KIF26B: variants seen among roughly 807,000 people sequenced by gnomAD.
KIF26B encodes kinesin family member 26B.
KIF26B carries 63 observed loss-of-function variants against 151.2 expected under a neutral mutation model. The observed-to-expected ratio is 0.42, with a 90% CI of 0.34 to 0.51. The LOEUF (loss-of-function observed/expected upper bound fraction) is 0.51, where lower values mean the gene tolerates loss of function less well. Ranked by LOEUF, KIF26B falls within the 20% of genes least tolerant of loss-of-function variation. The pLI is 0.07. For synonymous variants in KIF26B, 1,357 were observed against 1,262.1 expected (o/e 1.08, Z -1.59); for missense variants, 2,813 against 2,913.6 (o/e 0.97, Z 0.79).
chr1:245,283,347 C>T (rs948234979), intron 2 of KIF26B, among the ~76,000 whole-genome samples: 4 of 152,172 alleles, frequency 2.6e-5, no homozygotes, highest in African/African-American at 9.7e-5. Context: ...AGCCCCGACT[C>T]ATCAGTTCTT....
intron 2 of KIF26B, among the ~76,000 whole-genome samples, chr1:245,335,913 C>T (rs948087601): frequency 3.7e-5 from 5 of 135,674 alleles, no homozygotes; most frequent in African/African-American, 1.2e-4. Flanking sequence ...AAGAGTCCCA[C>T]GCGGGGAGAG....
rs2042932551 is a variant in KIF26B, at chr1:245,560,233, T to C, written c.1350+19283T>C. The stretch of plus-strand genomic sequence containing the variant: ...TACATAGATGCTCATTCGCTTCAAT[T>C]CATTGAACATCTGCTACTGGCCAGG... On this transcript the variant is annotated intron_variant, in intron 5 of 14. Transcript: ENST00000407071. The surrounding 1 kb of genome is among the most constrained non-coding windows in gnomAD (Gnocchi z 4.3). Among the ~76,000 whole-genome samples, 1 of 152,114 alleles carries C rather than the reference T, an allele frequency of 6.6e-6. No homozygotes were observed. The highest frequency in any genetic ancestry group is 1.5e-5 in the Non-Finnish European group (1 of 68,014).
At chr1:245,411,188 A>C (rs887857243) in intron 3 of KIF26B, among the ~76,000 whole-genome samples, 2 of 152,224 alleles carry the variant, frequency 1.3e-5, no homozygotes, top group Admixed American at 6.5e-5. Context: ...GGTTCATGAC[A>C]CTGCCACAGT....
chr1:245,471,855 G>A (rs10924204), intron 4 of KIF26B, among the ~76,000 whole-genome samples: 12,658 of 150,760 alleles, frequency 0.084, 595 homozygotes, highest in South Asian at 0.13. Flanking sequence ...GCAATGGCAC[G>A]ATCTCGGCTC....
chr1:245,379,453 A>G (rs901596337), intron 3 of KIF26B, among the ~76,000 whole-genome samples: 9 of 152,014 alleles, frequency 5.9e-5, no homozygotes, highest in Admixed American at 3.9e-4. Context: ...TGAAATATCA[A>G]GCAATTCAGG....
At chr1:245,599,671 G>C (rs12401756) in intron 5 of KIF26B, among the ~76,000 whole-genome samples, 50,495 of 152,080 alleles carry the variant, frequency 0.33, 8,727 homozygotes, top group East Asian at 0.4. Flanking sequence ...ATGCTCAGAG[G>C]CTGGGCTAGG....
intron 4 of KIF26B, among the ~76,000 whole-genome samples, chr1:245,521,066 G>C (rs1159935353): frequency 6.6e-6 from 1 of 152,092 alleles, no homozygotes; most frequent in African/African-American, 2.4e-5. Flanking sequence ...GGCTGGGCGT[G>C]GTGGCTCACG....
chr1:245,598,176 C>T (rs1264523305), intron 5 of KIF26B, among the ~76,000 whole-genome samples: 1 of 152,092 alleles, frequency 6.6e-6, no homozygotes, highest in Non-Finnish European at 1.5e-5. Context: ...AACTATTTAT[C>T]ATCACCTACA....
At chr1:245,310,170 A>G (rs1198116365) in intron 2 of KIF26B, among the ~76,000 whole-genome samples, 1 of 148,568 alleles carries the variant, frequency 6.7e-6, no homozygotes, top group Non-Finnish European at 1.5e-5. Flanking sequence ...TCTCTCTCTC[A>G]CTATATGTAT....
chr1:245,438,453 A>G (rs1312355897), intron 4 of KIF26B, among the ~76,000 whole-genome samples: 1 of 152,194 alleles, frequency 6.6e-6, no homozygotes, highest in Non-Finnish European at 1.5e-5. Flanking sequence ...CTTTATTTTG[A>G]TTTTTAGAGA....
At chr1:245,207,732 G>T (rs978130715) in intron 2 of KIF26B, among the ~76,000 whole-genome samples, 1 of 152,120 alleles carries the variant, frequency 6.6e-6, no homozygotes. Context: ...TAAGTTGGTA[G>T]TTTCCACTTT....
chr1:245,287,145 C>G (rs1202735875), intron 2 of KIF26B, among the ~76,000 whole-genome samples: 1 of 152,120 alleles, frequency 6.6e-6, no homozygotes, highest in Non-Finnish European at 1.5e-5. Flanking sequence ...TTTCTTACAA[C>G]TTTTCAGAAA....
chr1:245,545,418 T>C (rs1013532836), intron 5 of KIF26B, among the ~76,000 whole-genome samples: 2 of 152,084 alleles, frequency 1.3e-5, no homozygotes, highest in Non-Finnish European at 2.9e-5. Flanking sequence ...AAATATTTAT[T>C]AAGCACCTAC....
intron 3 of KIF26B, among the ~76,000 whole-genome samples, chr1:245,407,221 A>G (rs1016342198): frequency 2.6e-5 from 4 of 152,254 alleles, no homozygotes; most frequent in Middle Eastern, 6.8e-3. Context: ...CATGCCCGGT[A>G]TGGGGAAGAA....
intron 10 of KIF26B, among the ~76,000 whole-genome samples, chr1:245,658,415 T>C (rs2044098248): frequency 6.6e-6 from 1 of 152,202 alleles, no homozygotes; most frequent in African/African-American, 2.4e-5. Flanking sequence ...TCTTTTCTTT[T>C]TGAGACAGGG....
chr1:245,204,381 T>C (rs1161035857), intron 2 of KIF26B, among the ~76,000 whole-genome samples: 3 of 150,446 alleles, frequency 2.0e-5, no homozygotes, highest in South Asian at 4.2e-4. Flanking sequence ...GATCTCTCTT[T>C]TTTTTTTTTT....
intron 4 of KIF26B, chr1:245,511,192 T>C: frequency 2.9e-6 from 2 of 684,972 alleles, no homozygotes; most frequent in Non-Finnish European, 5.3e-6. Flanking sequence ...ATTTTTTTTT[T>C]ACTTTAACTT....
chr1:245,496,021 T>C (rs1660507684), intron 4 of KIF26B, among the ~76,000 whole-genome samples: 1 of 151,926 alleles, frequency 6.6e-6, no homozygotes, highest in Non-Finnish European at 1.5e-5. Flanking sequence ...AGGACAAAAA[T>C]TGAAAGAATC....
rs1609835 is a variant in KIF26B, at chr1:245,667,178, A to G, written c.2259-17055A>G. On this transcript the variant is annotated intron_variant, in intron 10 of 14. Transcript: ENST00000407071. This position sits in a 1 kb window ranked among gnomAD's most constrained non-coding sequence, Gnocchi z 4.3. ...CTTCCAGCCCAAGGCAGCATCGTCT[A>G]CTTTGGTTTTCTTTCTTTCTTTTTT... Among the ~76,000 whole-genome samples the G allele has an allele frequency of 0.58, 87,866 of 151,844 alleles. 25,780 individuals carry two copies. Among genetic ancestry groups the G allele is most frequent in the East Asian group, 0.82 (4,205 of 5,134 alleles).
Sources: gnomAD v4.1 joint callset for allele counts (sites outside exome capture counted in the v4.1 genomes callset) on GRCh38, gnomAD v4.1.1 for gene constraint, Gnocchi (gnomAD v3.1) non-coding constraint, MANE v1.5 for transcripts, NCBI Gene and HGNC (gene_info 2026-07-23, HGNC 2026-07-21) for gene names.